The following SPMIP8 variants were observed in gnomAD, a reference collection of about 807,000 sequenced individuals.
The protein encoded by SPMIP8 is testicular tissue protein Li 196.
the SPMIP8 span, among the ~76,000 whole-genome samples, chr16:57,980,323 C>A: frequency 6.6e-6 from 1 of 152,226 alleles, no homozygotes; most frequent in African/African-American, 2.4e-5. Flanking sequence ...AACAAACATG[C>A]ATGTAACATA....
At chr16:57,986,092 C>G in the SPMIP8 span, 1 of 948,800 alleles carries the variant, frequency 1.1e-6, no homozygotes, top group Non-Finnish European at 1.5e-6. Flanking sequence ...CGAGCTGCTT[C>G]GCTCTGGAGA....
At chr16:57,985,941 G>A in the SPMIP8 span, 2 of 1,612,566 alleles carry the variant, frequency 1.2e-6, no homozygotes, top group Non-Finnish European at 1.7e-6. Flanking sequence ...TCCAGCTACA[G>A]GTAGGGGAAC....
the SPMIP8 span, chr16:57,986,056 G>A: frequency 1.5e-6 from 2 of 1,354,856 alleles, no homozygotes; most frequent in African/African-American, 1.5e-5. Context: ...GGCCTGGCGA[G>A]GAGGAGGGGC....
the SPMIP8 span, chr16:57,986,115 G>C: frequency 1.4e-6 from 1 of 728,332 alleles, no homozygotes; most frequent in Non-Finnish European, 2.0e-6. Context: ...TCCGCCCCTG[G>C]CAAATGTGCA....
chr16:57,985,657 A>C, the SPMIP8 span: 1 of 1,440,350 alleles, frequency 6.9e-7, no homozygotes, highest in South Asian at 1.4e-5. Flanking sequence ...GAACTGGGAA[A>C]AATTGGCTCC....
At chr16:57,982,756 G>A in the SPMIP8 span, among the ~76,000 whole-genome samples, 12 of 152,182 alleles carry the variant, frequency 7.9e-5, no homozygotes, top group African/African-American at 2.4e-4. Context: ...TAGGCCGGGC[G>A]CAGTGGCTCA....
At chr16:57,985,958 G>C in the SPMIP8 span, 3 of 1,602,206 alleles carry the variant, frequency 1.9e-6, no homozygotes, top group Admixed American at 3.5e-5. Flanking sequence ...GAACGGTCCT[G>C]TCCCGCCCCA....
chr16:57,985,343 T>C, the SPMIP8 span: 1 of 1,562,970 alleles, frequency 6.4e-7, no homozygotes, highest in Non-Finnish European at 8.7e-7. Flanking sequence ...AAGCCGGGGG[T>C]TGAGGGGGGA....
the SPMIP8 span, chr16:57,987,597 T>A: frequency 1.8e-5 from 13 of 717,240 alleles, no homozygotes; most frequent in Admixed American, 8.0e-5. Flanking sequence ...CTGTGTGTGT[T>A]GCACAGCCTG....
the SPMIP8 span, chr16:57,984,958 G>T: frequency 4.9e-6 from 6 of 1,229,944 alleles, no homozygotes; most frequent in South Asian, 9.5e-5. Flanking sequence ...CTTGCGGTGG[G>T]TGGAGCCGAG....
chr16:57,984,170 C>A, the SPMIP8 span: 2 of 809,696 alleles, frequency 2.5e-6, no homozygotes, highest in Non-Finnish European at 4.3e-6. Context: ...TCCTGAAGTG[C>A]TGGGATTACA....
chr16:57,984,738 C>A, the SPMIP8 span: 3 of 1,605,374 alleles, frequency 1.9e-6, no homozygotes, highest in South Asian at 2.2e-5. Flanking sequence ...CTGCTTCACG[C>A]GCGCCATCGA....
At chr16:57,982,358 T>G in the SPMIP8 span, among the ~76,000 whole-genome samples, 26 of 152,338 alleles carry the variant, frequency 1.7e-4, no homozygotes, top group East Asian at 4.8e-3. Flanking sequence ...TTGTTATGTC[T>G]TTTGTCTTAG....
chr16:57,977,899 A>T, the SPMIP8 span: 1 of 1,613,940 alleles, frequency 6.2e-7, no homozygotes, highest in African/African-American at 1.3e-5. Flanking sequence ...CTTCCCATGG[A>T]GCGGCAGCGC....
chr16:57,987,891 G>A, the SPMIP8 span: 1 of 155,978 alleles, frequency 6.4e-6, no homozygotes, highest in Admixed American at 6.5e-5. Context: ...CCTTTTTGAA[G>A]CTCTTGTCAT....
chr16:57,978,929 T>C, the SPMIP8 span, among the ~76,000 whole-genome samples: 2 of 152,094 alleles, frequency 1.3e-5, no homozygotes, highest in African/African-American at 4.8e-5. Flanking sequence ...TTGTAATTAA[T>C]GGAGAGAGAA....
chr16:57,977,834 C>T, the SPMIP8 span: 2 of 1,613,706 alleles, frequency 1.2e-6, no homozygotes, highest in South Asian at 1.1e-5. Flanking sequence ...GCATCATTGA[C>T]CTGGTGCCCT....
the SPMIP8 span, chr16:57,985,346 A>AG: frequency 6.4e-7 from 1 of 1,554,838 alleles, no homozygotes; most frequent in Admixed American, 1.9e-5. Flanking sequence ...CCGGGGGTTG[A>AG]GGGGGGAGGA....
chr16:57,985,080 T>G, the SPMIP8 span: 121,420 of 1,153,422 alleles, frequency 0.11, 8,912 homozygotes, highest in African/African-American at 0.33. Context: ...GGACCTGTTC[T>G]CCGTACACGT....
Sources: allele counts gnomAD v4.1 joint callset (sites outside exome capture counted in the v4.1 genomes callset), GRCh38; gene constraint gnomAD v4.1.1; transcripts MANE v1.5; gene names NCBI Gene and HGNC (gene_info 2026-07-23, HGNC 2026-07-21).